TLR2: variants seen among roughly 807,000 people sequenced by gnomAD.
The protein encoded by TLR2 is toll like receptor 2.
TLR2 carries 7 observed loss-of-function variants against 9.1 expected under a neutral mutation model. That is an observed-to-expected ratio of 0.77 (90% CI 0.44 to 1.44). The LOEUF is 1.44. Ranked by LOEUF, TLR2 falls within the 40% of genes most tolerant of loss-of-function variation. The pLI is 0.01. For missense variants in TLR2, 812 were observed against 904.6 expected (o/e 0.90, Z 1.31); for synonymous variants, 317 against 344.6 (o/e 0.92, Z 0.89).
chr4:153,702,835 T>C (rs1737001315), intron 2 of TLR2, 57 bp from the exon 3 acceptor site: 3 of 1,431,914 alleles, frequency 2.1e-6, no homozygotes, highest in Non-Finnish European at 2.8e-6. Flanking sequence ...TCTCAAGAAT[T>C]AGAATTACGA....
In TLR2 at chr4:153,705,212, G is replaced by A; in HGVS notation, c.2305G>A (p.Ala769Thr). The change falls in exon 3 of 3, where the codon GCT becomes ACT. Residue 769 changes from alanine to threonine, a missense_variant. By Grantham distance (58) the Ala-to-Thr change is moderately conservative (BLOSUM62 0). Coordinates refer to ENST00000642700, the MANE Select transcript of TLR2 (RefSeq NM_001318789.2). ...CTACCTGGAGTGGCCCATGGACGAG[G>A]CTCAGCGGGAAGGATTTTGGGTAAA... ...KTYLEWPMDE[A>T]QREGFWVNLR... is the part of the protein sequence containing the mutation. The A allele has an allele frequency of 1.2e-6, 2 of 1,605,570 alleles. No individual in the cohort carries two copies. Among genetic ancestry groups the A allele is most frequent in the Non-Finnish European group, 1.7e-6 (2 of 1,174,842 alleles).
chr4:153,685,106 C>A (rs186627117), intron 1 of TLR2, among the ~76,000 whole-genome samples: 1 of 152,332 alleles, frequency 6.6e-6, no homozygotes, highest in African/African-American at 2.4e-5. Context: ...ACCTCTGCTC[C>A]CTGGCAGGCT....
At chr4:153,709,294 G>C (rs553777928), downstream of TLR2, among the ~76,000 whole-genome samples, 3 of 152,202 alleles carry the variant, frequency 2.0e-5, no homozygotes, top group Non-Finnish European at 4.4e-5. Context: ...AATAATCATT[G>C]TATTTCCTTT....
chr4:153,692,455 C>T (rs1736187025), intron 2 of TLR2, among the ~76,000 whole-genome samples: 1 of 152,192 alleles, frequency 6.6e-6, no homozygotes, highest in South Asian at 2.1e-4. Flanking sequence ...AGCCATTGTG[C>T]TATCCAAATT....
chr4:153,695,716 C>T, intron 2 of TLR2, among the ~76,000 whole-genome samples: 1 of 152,078 alleles, frequency 6.6e-6, no homozygotes, highest in Admixed American at 6.6e-5. Flanking sequence ...CTTTGGTTGC[C>T]TATGCTTGTG....
In TLR2 at chr4:153,703,974, C is replaced by G. The variant is rs146476103; in HGVS notation, c.1067C>G (p.Ser356Ter). The part of the protein sequence containing the change: ...SKVFLVPCLL[S>*]QHLKSLEYLD... ...GTTTTTCTGGTTCCTTGTTTACTTT[C>G]ACAACATTTAAAATCATTAGAATAC... The change falls in exon 3 of 3, where the codon TCA becomes TGA. Residue 356 changes from serine (S) to a stop codon, truncating the protein, a stop_gained. Coordinates refer to ENST00000642700, the MANE Select transcript of TLR2 (RefSeq NM_001318789.2). LOFTEE classifies it low-confidence loss of function (END_TRUNC). The G allele has an allele frequency of 5.2e-5, 84 of 1,611,584 alleles. No homozygotes were observed. Among genetic ancestry groups the G allele is most frequent in the Admixed American group, 1.7e-5 (1 of 59,464 alleles).
Position 153,703,323 on chromosome 4 carries a change from T to A in TLR2, c.416T>A (p.Leu139Gln). The change falls in exon 3 of 3, where the codon CTA becomes CAA. Residue 139 changes from leucine (L) to glutamine (Q), a missense_variant. Physicochemically the swap from Leu to Gln is moderately radical, Grantham distance 113. Coordinates refer to ENST00000642700, the MANE Select transcript of TLR2 (RefSeq NM_001318789.2). ...TTACTGGGAAATCCTTACAAAACCC[T>A]AGGGGAAACATCTCTTTTTTCTCAT... is the stretch of plus-strand genomic sequence containing the variant. ...LNLLGNPYKT[L>Q]GETSLFSHLT... is the part of the protein sequence containing the mutation. 6.2e-7 allele frequency: 1 copy of A among 1,613,760 alleles called. No homozygotes were observed. The highest frequency in any genetic ancestry group is 1.1e-5 in the South Asian group (1 of 90,940).
chr4:153,704,759 A>G lies in TLR2; in HGVS notation c.1852A>G (p.Met618Val), dbSNP rs779350526. The G allele has an allele frequency of 4.3e-6, 7 of 1,613,868 alleles. No individual in the cohort carries two copies. In the African/African-American group the frequency reaches 5.3e-5, roughly 12 times the overall value. The change falls in exon 3 of 3, where the codon ATG becomes GTG. Residue 618 changes from methionine to valine, a missense_variant. Coordinates refer to ENST00000642700, the MANE Select transcript of TLR2 (RefSeq NM_001318789.2). ...CCACCGTTTCCATGGCCTGTGGTAT[A>G]TGAAAATGATGTGGGCCTGGCTCCA... is the stretch of plus-strand genomic sequence containing the variant. ...LCHRFHGLWY[M>V]KMMWAWLQAK...
chr4:153,706,574 T>C (rs1237472707), downstream of TLR2, among the ~76,000 whole-genome samples: 1 of 152,226 alleles, frequency 6.6e-6, no homozygotes, highest in Non-Finnish European at 1.5e-5. Flanking sequence ...CATATGTTAA[T>C]TTTGCAATCT....
At chr4:153,701,675 T>G (rs1253684283) in intron 2 of TLR2, 2 of 151,822 alleles carry the variant, frequency 1.3e-5, no homozygotes, top group Non-Finnish European at 2.9e-5. Flanking sequence ...TCATTGATTA[T>G]GTACAGTTTC....
At chr4:153,702,806 GTTA>G in intron 2 of TLR2, 83 bp from the exon 3 acceptor site, 1 of 704,020 alleles carries the variant, frequency 1.4e-6, no homozygotes, top group Non-Finnish European at 2.3e-6. Flanking sequence ...GTGTGTGTGT[GTTA>G]TGCCTAGAAA....
intron 2 of TLR2, among the ~76,000 whole-genome samples, chr4:153,698,522 C>G (rs1736662947): frequency 6.6e-6 from 1 of 152,048 alleles, no homozygotes; most frequent in South Asian, 2.1e-4. Context: ...CATATAGCTG[C>G]CATTATTAAA....
downstream of TLR2, among the ~76,000 whole-genome samples, chr4:153,709,505 T>G (rs1042445117): frequency 3.9e-5 from 6 of 152,224 alleles, no homozygotes; most frequent in Non-Finnish European, 8.8e-5. Flanking sequence ...CAGATTAATT[T>G]ACTCTTTCAG....
rs1476369792 is a variant in TLR2, at chr4:153,703,196, T to C, written c.289T>C (p.Ser97Pro). ...GINTIEEDSF[S>P]SLGSLEHLDL... The stretch of plus-strand genomic sequence containing the variant: ...TAACACAATAGAGGAAGATTCTTTT[T>C]CTTCCCTGGGCAGTCTTGAACATTT... The change falls in exon 3 of 3, where the codon TCT becomes CCT. Residue 97 changes from serine (S) to proline (P), a missense_variant. By Grantham distance (74) the Ser-to-Pro change is moderately conservative. Transcript: ENST00000642700. The C allele has an allele frequency of 6.2e-7, 1 of 1,614,238 alleles. No homozygotes were observed. Among genetic ancestry groups the C allele is most frequent in the Admixed American group, 1.7e-5 (1 of 60,024 alleles).
downstream of TLR2, chr4:153,710,213 C>A: frequency 1.8e-6 from 1 of 554,700 alleles, no homozygotes; most frequent in South Asian, 3.1e-5. Context: ...TGTTCAGCTT[C>A]TCTTTAAATT....
chr4:153,709,469 A>G (rs1049801567), downstream of TLR2, among the ~76,000 whole-genome samples: 1 of 152,142 alleles, frequency 6.6e-6, no homozygotes, highest in Non-Finnish European at 1.5e-5. Flanking sequence ...GGTCTTCTCT[A>G]TTCAGTTAAT....
chr4:153,690,175 T>A (rs750435416), intron 2 of TLR2, among the ~76,000 whole-genome samples: 11 of 152,266 alleles, frequency 7.2e-5, no homozygotes, highest in Non-Finnish European at 1.5e-4. Context: ...AGCTGGTTTC[T>A]GTAGATGCTC....
At chr4:153,692,165 C>G (rs999084526) in intron 2 of TLR2, among the ~76,000 whole-genome samples, 1 of 152,126 alleles carries the variant, frequency 6.6e-6, no homozygotes, top group African/African-American at 2.4e-5. Flanking sequence ...CAGCCTTGCT[C>G]AGCTAAGGGG....
At chr4:153,709,796 C>A (rs767537431), downstream of TLR2, among the ~76,000 whole-genome samples, 2 of 152,226 alleles carry the variant, frequency 1.3e-5, no homozygotes, top group Non-Finnish European at 2.9e-5. Flanking sequence ...GCACTTTTGG[C>A]AGCTCCAGGA....
Sources: gnomAD v4.1 joint callset for allele counts (sites outside exome capture counted in the v4.1 genomes callset) on GRCh38, gnomAD v4.1.1 for gene constraint, MANE v1.5 for transcripts, NCBI Gene and HGNC (gene_info 2026-07-23, HGNC 2026-07-21) for gene names.